The following IRAK4 variants were observed in gnomAD, a reference collection of about 807,000 sequenced individuals.
IRAK4 encodes the protein interleukin-1 receptor-associated kinase 4.
Under a neutral mutation model 51.8 loss-of-function variants are expected in IRAK4, and 44 were observed. The ratio of observed to expected loss-of-function variants is 0.85; its 90% CI spans 0.67 to 1.09. IRAK4 has a LOEUF of 1.09. Ranked by LOEUF, IRAK4 falls within the 50% of genes least tolerant of loss-of-function variation. The pLI is 0.00. For synonymous variants in IRAK4, 149 were observed against 174.1 expected (o/e 0.86, Z 1.13); for missense variants, 487 against 538.0 (o/e 0.91, Z 0.94).
intron 6 of IRAK4, among the ~76,000 whole-genome samples, chr12:43,774,840 A>G (rs1941124663): frequency 6.6e-6 from 1 of 152,244 alleles, no homozygotes; most frequent in South Asian, 2.1e-4. Context: ...ATAGTGATTA[A>G]TAGTGATTGA....
chr12:43,777,587 A>T (rs754111173), intron 6 of IRAK4, 43 bp from the exon 7 acceptor site: 110 of 1,541,786 alleles, frequency 7.1e-5, no homozygotes, highest in Non-Finnish European at 9.6e-5. Flanking sequence ...AGCTGAATAT[A>T]TATTTATTAT....
chr12:43,783,280 TTGAG>T (rs1382098777), intron 9 of IRAK4, among the ~76,000 whole-genome samples: 4 of 151,856 alleles, frequency 2.6e-5, no homozygotes, highest in Admixed American at 2.6e-4. Flanking sequence ...AGTTTTTGTC[TTGAG>T]TATTATATAT....
At chr12:43,767,836 A>C (rs751858259) in intron 1 of IRAK4, among the ~76,000 whole-genome samples, 1 of 152,192 alleles carries the variant, frequency 6.6e-6, no homozygotes. Context: ...TTTTACTAGG[A>C]AAATATCAGT....
At chr12:43,759,849 C>T (rs1462101643) in intron 1 of IRAK4, among the ~76,000 whole-genome samples, 1 of 134,096 alleles carries the variant, frequency 7.5e-6, no homozygotes, top group African/African-American at 2.9e-5. Context: ...GCCTGGGCAA[C>T]AGAGGGAGAC....
In IRAK4 at chr12:43,777,663, T is replaced by G; in HGVS notation, c.750T>G (p.Gly250=). ...ATGAAAACTTAGTAGAACTACTTGG[T>G]TTCTCAAGTGATGGAGATGACCTCT... is the stretch of plus-strand genomic sequence containing the variant. ...CQHENLVELL[G]FSSDGDDLCL... Residue 250 remains glycine, a synonymous_variant, in exon 7 of 12, where the codon GGT becomes GGG. Transcript: ENST00000613694. The G allele has an allele frequency of 6.2e-7, 1 of 1,610,346 alleles. No individual in the cohort carries two copies. Among genetic ancestry groups the G allele is most frequent in the Non-Finnish European group, 8.5e-7 (1 of 1,178,150 alleles).
intron 1 of IRAK4, among the ~76,000 whole-genome samples, chr12:43,766,643 T>C (rs751981166): frequency 9.2e-5 from 14 of 152,214 alleles, no homozygotes; most frequent in Non-Finnish European, 1.8e-4. Context: ...CATTGTGTTA[T>C]AAAAGCAGAG....
intron 8 of IRAK4, among the ~76,000 whole-genome samples, chr12:43,778,651 C>T (rs1480270690): frequency 6.6e-6 from 1 of 151,996 alleles, no homozygotes; most frequent in Non-Finnish European, 1.5e-5. Context: ...AGTTCTCTTT[C>T]TTTCTTGTGT....
Position 43,787,705 on chromosome 12 carries a change from C to T in IRAK4, c.*990C>T, listed in dbSNP as rs1310967003. ...CTGGATTTCAGCTTTGCATGATCCT[C>T]AGTATGAGAATCTATCTGTTCTGTG... On this transcript the variant is annotated 3_prime_UTR_variant, in exon 12 of 12. Coordinates refer to ENST00000613694, the MANE Select transcript of IRAK4 (RefSeq NM_016123.4). 1 of 152,224 alleles carries T rather than the reference C, an allele frequency of 6.6e-6. No homozygotes were observed. The highest frequency in any genetic ancestry group is 2.4e-5 in the African/African-American group (1 of 41,426). 9.4% of individuals were successfully genotyped at this position (152,224 alleles called of 1,614,324 possible).
rs1942327101 is a variant in IRAK4, at chr12:43,788,089, G to A, written c.*1374G>A. 6.6e-6 allele frequency: 1 copy of A among 152,090 alleles called. No homozygotes were observed. Among genetic ancestry groups the A allele is most frequent in the Non-Finnish European group, 1.5e-5 (1 of 68,014 alleles). The allele number at this position is 152,090 out of a possible 1,614,324, so 9.4% of individuals were successfully genotyped here. A position where few individuals can be genotyped will look rare whatever the true frequency, so the allele number is the denominator to read the frequency against. ...TAAATAAATAAATGGGTCACATTAA[G>A]CCTTTAAGTTTGTGGTAATTTATTA... On this transcript the variant is annotated 3_prime_UTR_variant, in exon 12 of 12. Transcript: ENST00000613694.
chr12:43,783,089 T>C (rs1200929991), intron 9 of IRAK4, among the ~76,000 whole-genome samples: 4 of 152,142 alleles, frequency 2.6e-5, no homozygotes, highest in African/African-American at 4.8e-5. Context: ...TGGGGCTGAC[T>C]CTTTAGTAAG....
Position 43,777,551 on chromosome 12 carries a change from A to C in IRAK4, c.717-79A>C, listed in dbSNP as rs1168327839. 3.0e-6 allele frequency: 4 copies of C among 1,341,088 alleles called. No individual in the cohort carries two copies. The East Asian group carries it at 1.0e-4, about 35-fold the overall frequency. 83.1% of individuals were successfully genotyped at this position (1,341,088 alleles called of 1,614,324 possible). A position where few individuals can be genotyped will look rare whatever the true frequency, so the allele number is the denominator to read the frequency against. ...TATTTTTTTGCTCTTTTTTTCTATT[A>C]AAACTTTGAATAACTTCCAACCTAT... On this transcript the variant is annotated intron_variant, in intron 6 of 11. Coordinates refer to ENST00000613694, the MANE Select transcript of IRAK4 (RefSeq NM_016123.4).
intron 10 of IRAK4, among the ~76,000 whole-genome samples, chr12:43,785,727 T>C (rs958977795): frequency 2.0e-5 from 3 of 151,466 alleles, no homozygotes; most frequent in Non-Finnish European, 4.4e-5. Context: ...AGTTTCATTG[T>C]GTGAACCTCA....
At position 43,771,327 on chromosome 12, in the gene IRAK4, A is replaced by G. The variant is rs1303980420; in HGVS notation, c.269A>G (p.Gln90Arg). Residue 90 changes from glutamine (Q) to arginine (R), a missense_variant, in exon 3 of 12, where the codon CAA becomes CGA. By Grantham distance (43) the Gln-to-Arg change is conservative. Coordinates refer to ENST00000613694, the MANE Select transcript of IRAK4 (RefSeq NM_016123.4). ...TVGDLVDLLI[Q>R]NEFFAPASLL... The stretch of plus-strand genomic sequence containing the variant: ...GGTGATCTTGTGGATCTTTTGATCC[A>G]AAATGAATTTTTTGCTCCTGCGAGT... 2 of 1,614,102 alleles carry G rather than the reference A, an allele frequency of 1.2e-6. No homozygotes were observed. The highest frequency in any genetic ancestry group is 1.3e-5 in the African/African-American group (1 of 74,950).
At chr12:43,765,630 CAAAAAAAAAAAA>C (rs545650660) in intron 1 of IRAK4, among the ~76,000 whole-genome samples, 2 of 140,432 alleles carry the variant, frequency 1.4e-5, no homozygotes, top group Non-Finnish European at 3.2e-5. Flanking sequence ...ATACATTTTG[CAAAAAAAAAAAA>C]ATTGAAATCC....
rs559195522 is a variant in IRAK4 at position 43,771,668 on chromosome 12, C to A, written c.307+303C>A. Among the ~76,000 whole-genome samples, 26 of 152,238 alleles carry A rather than the reference C, an allele frequency of 1.7e-4. No individual in the cohort carries two copies. In the East Asian group the frequency reaches 4.2e-3, roughly 25 times the overall value. ...AAGAAAGTAATTATAATTTTGAGTT[C>A]TTCCTTTTTTTCATCTTCAACTTCT... is the stretch of plus-strand genomic sequence containing the variant. On this transcript the variant is annotated intron_variant, in intron 3 of 11. Transcript: ENST00000613694.
At chr12:43,778,055 C>A in intron 7 of IRAK4, 138 bp from the exon 8 acceptor site, 1 of 643,156 alleles carries the variant, frequency 1.6e-6, no homozygotes, top group South Asian at 2.0e-5. Context: ...TTTTTAATAA[C>A]TTAAAAATGT....
intron 1 of IRAK4, among the ~76,000 whole-genome samples, chr12:43,765,652 C>T (rs1390278227): frequency 6.6e-6 from 1 of 151,592 alleles, no homozygotes; most frequent in African/African-American, 2.4e-5. Flanking sequence ...AATTGAAATC[C>T]ATGCATGGTT....
chr12:43,786,602 T>G (rs368541491), intron 11 of IRAK4, 45 bp downstream of exon 11: 183 of 1,607,136 alleles, frequency 1.1e-4, no homozygotes, highest in Non-Finnish European at 1.5e-4. Context: ...GGGGTGGGGT[T>G]CATCATATTT....
rs1014538528 is a variant in IRAK4 at position 43,778,190 on chromosome 12, A to T, written c.832-3A>T. The T allele has an allele frequency of 2.6e-6, 4 of 1,539,328 alleles. No individual in the cohort carries two copies. In the African/African-American group the frequency reaches 5.4e-5, roughly 21 times the overall value. On this transcript the variant is annotated splice_polypyrimidine_tract_variant and splice_region_variant and intron_variant, in intron 7 of 11. Coordinates refer to ENST00000613694, the MANE Select transcript of IRAK4 (RefSeq NM_016123.4). Reference sequence around the variant, plus strand: ...TTTTTAATTTGGTTTATTTCTTTATAAGGATGGTACTCCACCACTTTCTTG... The same window carrying T: ...TTTTTAATTTGGTTTATTTCTTTATTAGGATGGTACTCCACCACTTTCTTG...
Sources: gnomAD v4.1 joint callset for allele counts (sites outside exome capture counted in the v4.1 genomes callset) on GRCh38, gnomAD v4.1.1 for gene constraint, MANE v1.5 for transcripts, NCBI Gene and HGNC (gene_info 2026-07-23, HGNC 2026-07-21) for gene names.